PBX3: variants seen among roughly 807,000 people sequenced by gnomAD.
PBX3 encodes pre-B-cell leukemia transcription factor 3.
PBX3 carries 14 observed loss-of-function variants against 48.5 expected under a neutral mutation model. That is an observed-to-expected ratio of 0.29 (90% CI 0.19 to 0.45). PBX3 has a LOEUF of 0.45. Ranked by LOEUF, PBX3 falls within the 20% of genes least tolerant of loss-of-function variation. The pLI is 1.00. For missense variants in PBX3, 386 were observed against 546.7 expected, an observed-to-expected ratio of 0.71 and a Z score of 2.93; for synonymous variants, 210 against 200.3, an observed-to-expected ratio of 1.05 and a Z score of -0.41.
rs577364264 is a variant in PBX3 at position 125,873,079 on chromosome 9, T to C, written c.275-42607T>C. 2.2e-4 allele frequency among the ~76,000 whole-genome samples: 34 copies of C among 151,694 alleles called. No homozygotes were observed. The South Asian group carries it at 6.7e-3, about 30-fold the overall frequency. On this transcript the variant is annotated intron_variant, in intron 2 of 8. Transcript: ENST00000373489. ...AGCCAGGCGTGGTGGCAGGCACCTG[T>C]AATCCCAGCTACTCAGCAGGCTGAG...
chr9:125,845,962 C>T (rs1839417285), intron 2 of PBX3, among the ~76,000 whole-genome samples: 1 of 151,812 alleles, frequency 6.6e-6, no homozygotes, highest in Non-Finnish European at 1.5e-5. Context: ...ATGCAATAGG[C>T]CTTGACTCTA....
rs1447955163 is a variant in PBX3, at chr9:125,935,625, G to A, written c.843+18G>A. ...TGTCACAGGTGAGAAAGGACCCATGGGTCTGTCTTGTTCCCTGTGGAGACA... is the reference window on the plus strand; with the variant it reads ...TGTCACAGGTGAGAAAGGACCCATGAGTCTGTCTTGTTCCCTGTGGAGACA... On this transcript the variant is annotated intron_variant, in intron 5 of 8. Transcript: ENST00000373489. The A allele has an allele frequency of 4.3e-6, 7 of 1,612,664 alleles. No individual in the cohort carries two copies. The Admixed American group carries it at 1.0e-4, about 23-fold the overall frequency.
chr9:125,955,070 T>G (rs1328909555), intron 5 of PBX3, among the ~76,000 whole-genome samples: 1 of 152,142 alleles, frequency 6.6e-6, no homozygotes, highest in African/African-American at 2.4e-5. Flanking sequence ...AAAATTAATT[T>G]AGGGGGAATT....
At chr9:125,867,456 A>G (rs1840009512) in intron 2 of PBX3, among the ~76,000 whole-genome samples, 2 of 152,148 alleles carry the variant, frequency 1.3e-5, no homozygotes, top group South Asian at 2.1e-4. Flanking sequence ...CCTGGCCAAC[A>G]TAGTGAAACC....
intron 2 of PBX3, among the ~76,000 whole-genome samples, chr9:125,902,203 G>C (rs1840962472): frequency 6.6e-6 from 1 of 151,560 alleles, no homozygotes; most frequent in Admixed American, 6.6e-5. Flanking sequence ...TGAATTTTTA[G>C]TTAAAGCTGC....
intron 2 of PBX3, among the ~76,000 whole-genome samples, chr9:125,857,506 T>C (rs978727406): frequency 2.0e-5 from 3 of 152,148 alleles, no homozygotes; most frequent in Non-Finnish European, 4.4e-5. Flanking sequence ...CATTTACATA[T>C]AATCCCTCTC....
intron 2 of PBX3, among the ~76,000 whole-genome samples, chr9:125,799,622 G>A (rs1182572843): frequency 6.6e-6 from 1 of 152,092 alleles, no homozygotes; most frequent in Non-Finnish European, 1.5e-5. Context: ...TATAAAATAA[G>A]CATTATAGTG....
At position 125,792,044 on chromosome 9, in the gene PBX3, ACG is replaced by A. The variant is rs745845500; in HGVS notation, c.274+43423_274+43424del. ...GAATGGATTAATACTACACACACAC[ACG>A]CACGCACGCACGCACGCACGCACGC... On this transcript the variant is annotated intron_variant, in intron 2 of 8. Transcript: ENST00000373489. Among the ~76,000 whole-genome samples the A allele has an allele frequency of 2.8e-3, 65 of 23,584 alleles. 1 individual carries two copies. Among genetic ancestry groups the A allele is most frequent in the South Asian group, 0.013 (11 of 824 alleles). 15.5% of individuals were successfully genotyped at this position (23,584 alleles called of 152,430 possible).
At chr9:125,868,181 T>G (rs1420490996) in intron 2 of PBX3, among the ~76,000 whole-genome samples, 3 of 139,176 alleles carry the variant, frequency 2.2e-5, no homozygotes, top group East Asian at 5.6e-4. Context: ...AGACTGCAGT[T>G]TTTTTTTTTT....
intron 2 of PBX3, among the ~76,000 whole-genome samples, chr9:125,808,124 A>C (rs1838181114): frequency 6.6e-6 from 1 of 152,190 alleles, no homozygotes. Flanking sequence ...ATGGTGGTAA[A>C]AATCACTACA....
At chr9:125,804,782 C>A (rs1237161848) in intron 2 of PBX3, among the ~76,000 whole-genome samples, 4 of 151,740 alleles carry the variant, frequency 2.6e-5, no homozygotes, top group Non-Finnish European at 5.9e-5. Context: ...CCCATCTTTA[C>A]TAAAAATGCA....
At chr9:125,799,658 A>C (rs1367941558) in intron 2 of PBX3, among the ~76,000 whole-genome samples, 1 of 152,216 alleles carries the variant, frequency 6.6e-6, no homozygotes, top group Non-Finnish European at 1.5e-5. Flanking sequence ...TTTCCTGGGC[A>C]TGGATGTAAT....
At chr9:125,807,544 G>GT (rs1838163469) in intron 2 of PBX3, among the ~76,000 whole-genome samples, 3 of 152,120 alleles carry the variant, frequency 2.0e-5, no homozygotes, top group African/African-American at 2.4e-5. Context: ...CATAACCTGC[G>GT]TAAGATTCCT....
intron 2 of PBX3, among the ~76,000 whole-genome samples, chr9:125,808,369 A>G (rs1019553802): frequency 1.3e-5 from 2 of 152,032 alleles, no homozygotes; most frequent in Admixed American, 1.3e-4. Flanking sequence ...ATTTATAGCA[A>G]TTATGTTTCA....
chr9:125,962,911 G>A (rs1044968821), intron 7 of PBX3, 101 bp from the exon 8 acceptor site: 1 of 519,958 alleles, frequency 1.9e-6, no homozygotes, highest in African/African-American at 1.9e-5. Flanking sequence ...CATTGAAGAT[G>A]TTAAACCCTT....
chr9:125,813,669 G>A (rs1838364527), intron 2 of PBX3, among the ~76,000 whole-genome samples: 1 of 151,994 alleles, frequency 6.6e-6, no homozygotes, highest in Non-Finnish European at 1.5e-5. Flanking sequence ...CTTATATTCT[G>A]GTATGATAAG....
intron 2 of PBX3, among the ~76,000 whole-genome samples, chr9:125,820,781 T>C (rs931397525): frequency 6.6e-5 from 10 of 152,240 alleles, no homozygotes; most frequent in African/African-American, 2.2e-4. Flanking sequence ...TAAGTAGTAG[T>C]ATTTTTTTGG....
intron 5 of PBX3, among the ~76,000 whole-genome samples, chr9:125,950,561 C>T (rs557260725): frequency 6.6e-6 from 1 of 151,114 alleles, no homozygotes; most frequent in Admixed American, 6.6e-5. Flanking sequence ...CTCACTGCAA[C>T]CTCCACCTCC....
chr9:125,820,635 A>C (rs1838623124), intron 2 of PBX3, among the ~76,000 whole-genome samples: 1 of 152,222 alleles, frequency 6.6e-6, no homozygotes, highest in Non-Finnish European at 1.5e-5. Context: ...GTTGTGGTGG[A>C]GCACCTGCAT....
Sources: allele counts gnomAD v4.1 joint callset (sites outside exome capture counted in the v4.1 genomes callset), GRCh38; gene constraint gnomAD v4.1.1; transcripts MANE v1.5; gene names NCBI Gene and HGNC (gene_info 2026-07-23, HGNC 2026-07-21).